Variants in SCAPER observed in about 807,000 individuals in gnomAD.
SCAPER encodes S-phase cyclin A associated protein in the ER.
SCAPER carries 98 observed loss-of-function variants against 182.2 expected under a neutral mutation model. That is an observed-to-expected ratio of 0.54 (90% CI 0.46 to 0.64). The LOEUF is 0.64. SCAPER is among the 30% of genes least tolerant of loss of function. The pLI is 0.00. For synonymous variants in SCAPER, 605 were observed against 564.6 expected (o/e 1.07, Z -1.01); for missense variants, 1,432 against 1,690.0 (o/e 0.85, Z 2.68).
rs200672870 is a variant in SCAPER at position 76,419,818 on chromosome 15, CCAGA to C, written c.3311+14256_3311+14259del. ...GGCCAGCATTTCTCTGATTTCAAAA[CCAGA>C]CAAACATGTAACAAAAGAAAATTAC... On this transcript the variant is annotated intron_variant, in intron 26 of 31. Coordinates refer to ENST00000563290, the MANE Select transcript of SCAPER (RefSeq NM_020843.4). 7.8e-3 allele frequency among the ~76,000 whole-genome samples: 1,193 copies of C among 152,240 alleles called. 22 individuals are homozygous for C. Among genetic ancestry groups the C allele is most frequent in the African/African-American group, 0.027 (1,116 of 41,544 alleles).
intron 24 of SCAPER, among the ~76,000 whole-genome samples, chr15:76,495,805 A>C (rs2040445349): frequency 6.6e-6 from 1 of 152,200 alleles, no homozygotes; most frequent in Non-Finnish European, 1.5e-5. Context: ...TGACTTAACT[A>C]AGAAAAGATC....
At chr15:76,768,001 C>G (rs917135432) in intron 10 of SCAPER, among the ~76,000 whole-genome samples, 10 of 152,062 alleles carry the variant, frequency 6.6e-5, no homozygotes, top group African/African-American at 2.2e-4. Flanking sequence ...AGGGTCAATT[C>G]ATCAAGACGA....
chr15:76,420,820 TC>T (rs1338395560), intron 26 of SCAPER, among the ~76,000 whole-genome samples: 1 of 152,196 alleles, frequency 6.6e-6, no homozygotes, highest in Non-Finnish European at 1.5e-5. Context: ...CCTTCCTGTG[TC>T]CAAGTGTTCT....
At chr15:76,362,950 T>G (rs2041549379) in intron 29 of SCAPER, among the ~76,000 whole-genome samples, 1 of 152,176 alleles carries the variant, frequency 6.6e-6, no homozygotes, top group East Asian at 1.9e-4. Context: ...TTTAGAAAGC[T>G]CTCCATATTG....
At chr15:76,654,763 T>TCCTA (rs1393639618) in intron 21 of SCAPER, among the ~76,000 whole-genome samples, 54 of 152,338 alleles carry the variant, frequency 3.5e-4, no homozygotes, top group Non-Finnish European at 6.3e-4. Context: ...GCTCACCAGG[T>TCCTA]CCTACCAAGG....
At chr15:76,532,203 C>T (rs891657082) in intron 23 of SCAPER, among the ~76,000 whole-genome samples, 1 of 152,120 alleles carries the variant, frequency 6.6e-6, no homozygotes. Flanking sequence ...ACATCTGGTG[C>T]AAGAAGCTGA....
intron 17 of SCAPER, among the ~76,000 whole-genome samples, chr15:76,719,928 T>C (rs1160931309): frequency 6.6e-6 from 1 of 152,140 alleles, no homozygotes; most frequent in African/African-American, 2.4e-5. Context: ...TATTTCTTTT[T>C]TTTTTTAATT....
intron 5 of SCAPER, among the ~76,000 whole-genome samples, chr15:76,837,650 T>G (rs1284273059): frequency 3.6e-4 from 55 of 152,138 alleles, no homozygotes; most frequent in Non-Finnish European, 2.1e-4. Context: ...TATCAAATGC[T>G]CAACATGACT....
At chr15:76,781,128 T>C (rs1338710182) in intron 8 of SCAPER, among the ~76,000 whole-genome samples, 1 of 152,042 alleles carries the variant, frequency 6.6e-6, no homozygotes, top group Non-Finnish European at 1.5e-5. Context: ...ATAAGGAAGC[T>C]AAAAAACATT....
intron 25 of SCAPER, among the ~76,000 whole-genome samples, chr15:76,451,581 A>T (rs540589674): frequency 6.6e-6 from 1 of 152,294 alleles, no homozygotes; most frequent in South Asian, 2.1e-4. Flanking sequence ...CGTTAATGAG[A>T]CCTAATATTG....
At chr15:76,625,349 C>T (rs1001098609) in intron 21 of SCAPER, among the ~76,000 whole-genome samples, 2 of 152,178 alleles carry the variant, frequency 1.3e-5, no homozygotes, top group African/African-American at 4.8e-5. Flanking sequence ...GAAGCATGCA[C>T]ATTGCTTGTG....
chr15:76,495,205 C>G (rs955069574), intron 24 of SCAPER, among the ~76,000 whole-genome samples: 3 of 152,076 alleles, frequency 2.0e-5, no homozygotes, highest in Non-Finnish European at 4.4e-5. Flanking sequence ...CGTTCACTCT[C>G]TAGTATTGAC....
chr15:76,362,309 A>C (rs2041483812), intron 29 of SCAPER, among the ~76,000 whole-genome samples: 1 of 152,100 alleles, frequency 6.6e-6, no homozygotes, highest in Non-Finnish European at 1.5e-5. Flanking sequence ...TGGTCATCTG[A>C]AAAATTCACT....
intron 5 of SCAPER, among the ~76,000 whole-genome samples, chr15:76,827,291 A>G (rs756682995): frequency 7.2e-5 from 11 of 152,228 alleles, no homozygotes; most frequent in Non-Finnish European, 1.2e-4. Context: ...CAAATGAGAC[A>G]CTAATTCATT....
intron 2 of SCAPER, among the ~76,000 whole-genome samples, chr15:76,865,447 G>T (rs1464265842): frequency 6.6e-6 from 1 of 151,952 alleles, no homozygotes; most frequent in Admixed American, 6.6e-5. Flanking sequence ...GACTGAAAAC[G>T]GTTCAAAACA....
chr15:76,541,466 G>C (rs1420042119), intron 23 of SCAPER, among the ~76,000 whole-genome samples: 1 of 152,060 alleles, frequency 6.6e-6, no homozygotes, highest in Non-Finnish European at 1.5e-5. Flanking sequence ...CTCTTTAGGG[G>C]AATTCAATTA....
chr15:76,677,017 C>T (rs2057406771), intron 20 of SCAPER, among the ~76,000 whole-genome samples: 1 of 151,994 alleles, frequency 6.6e-6, no homozygotes, highest in African/African-American at 2.4e-5. Flanking sequence ...ATAGACATCA[C>T]TTATCTTTTT....
At chr15:76,639,321 T>C (rs1417383105) in intron 21 of SCAPER, among the ~76,000 whole-genome samples, 4 of 152,206 alleles carry the variant, frequency 2.6e-5, no homozygotes, top group African/African-American at 9.6e-5. Flanking sequence ...ACATTTTCTC[T>C]ACGATATTAC....
At chr15:76,374,927 T>TAAG (rs2042443239) in intron 29 of SCAPER, among the ~76,000 whole-genome samples, 1 of 152,012 alleles carries the variant, frequency 6.6e-6, no homozygotes, top group Non-Finnish European at 1.5e-5. Context: ...TTCCAGCATC[T>TAAG]TAAAAAAGCA....
Sources: allele counts gnomAD v4.1 joint callset (sites outside exome capture counted in the v4.1 genomes callset), GRCh38; gene constraint gnomAD v4.1.1; transcripts MANE v1.5; gene names NCBI Gene and HGNC (gene_info 2026-07-23, HGNC 2026-07-21).